Variants in MXRA5 observed in about 807,000 individuals in gnomAD.
MXRA5 encodes matrix remodeling associated 5, also known as matrix-remodeling-associated protein 5.
MXRA5 carries 41 observed loss-of-function variants against 112.5 expected under a neutral mutation model. That is an observed-to-expected ratio of 0.36 (90% CI 0.28 to 0.47). The LOEUF is 0.47. MXRA5 is among the 20% of genes least tolerant of loss of function. MXRA5 has a pLI of 0.99. For missense variants in MXRA5, 2,150 were observed against 2,251.0 expected (o/e 0.96, Z 0.91); for synonymous variants, 862 against 900.8 (o/e 0.96, Z 0.77).
In MXRA5 at chrX:3,322,956, G is replaced by A; in HGVS notation, c.2729C>T (p.Ala910Val). The A allele has an allele frequency of 8.3e-7, 1 of 1,211,379 alleles. No individual in the cohort carries two copies. The highest frequency in any genetic ancestry group is 1.1e-6 in the Non-Finnish European group (1 of 895,402). ...ATAAGGCTCAGATATAAGTGTAGGG[G>A]CTGCTGTCCCCTTCAGGTCTCCTTC... ...STEGDLKGTA[A>V]PTLISEPYEP... is the part of the protein sequence containing the mutation. The change falls in exon 5 of 7, where the codon GCC (alanine) becomes GTC (valine). Residue 910 changes from alanine to valine, a missense_variant. This residue lies in a region of MXRA5 where 1,485 missense variants were observed against 1,471.6 expected (regional missense o/e 1.01). Transcript: ENST00000217939.
Position 3,317,690 on chromosome X carries a change from G to C in MXRA5, c.5991C>G (p.Pro1997=). ...CGTGCAGGGTGATGCGGCCCTCCAC[G>C]GGGGACACAGTTTGCCACACCCTCC... ...PDRRVWQTVS[P]VEGRITLHEN... Residue 1997 remains proline (P), a synonymous_variant, in exon 6 of 7, where the codon CCC becomes CCG. Transcript: ENST00000217939. 2 of 1,201,777 alleles carry C rather than the reference G, an allele frequency of 1.7e-6. No homozygotes were observed. Among genetic ancestry groups the C allele is most frequent in the Non-Finnish European group, 1.1e-6 (1 of 889,261 alleles).
In MXRA5 at chrX:3,323,494, T is replaced by C; in HGVS notation, c.2191A>G (p.Ile731Val). The C allele has an allele frequency of 5.0e-6, 6 of 1,212,078 alleles. No individual in the cohort carries two copies. Among genetic ancestry groups the C allele is most frequent in the Non-Finnish European group, 5.6e-6 (5 of 895,613 alleles). Residue 731 changes from isoleucine to valine, a missense_variant, in exon 5 of 7, where the codon ATC becomes GTC. Around this residue, in one of 6 missense-constraint regions of MXRA5, gnomAD observed 1,485 missense variants for 1,471.6 expected, o/e 1.01. Transcript: ENST00000217939. ...TTCTTGGCTTTCTTGTCTCCATTGA[T>C]GGCATCATCCTTTGTTTTGAGGAAC... ...EVFLKTKDDA[I>V]NGDKKAKKGR... is the part of the protein sequence containing the mutation.
At chrX:3,314,492 A>G (rs774930002) in intron 6 of MXRA5, among the ~76,000 whole-genome samples, 2 of 112,249 alleles carry the variant, frequency 1.8e-5, no homozygotes, top group African/African-American at 6.5e-5. Flanking sequence ...ATAGACAGAT[A>G]GATACGGATG....
chrX:3,326,507 A>G (rs1921513977), intron 4 of MXRA5, among the ~76,000 whole-genome samples: 1 of 104,773 alleles, frequency 9.5e-6, no homozygotes, highest in African/African-American at 3.4e-5. Flanking sequence ...AACTATATCT[A>G]TATTTATAAC....
At position 3,330,133 on chromosome X, in the gene MXRA5, A is replaced by G. The variant is rs1921628782; in HGVS notation, c.594T>C (p.Leu198=). 4 of 1,209,585 alleles carry G rather than the reference A, an allele frequency of 3.3e-6. No individual in the cohort carries two copies. Among genetic ancestry groups the G allele is most frequent in the Non-Finnish European group, 4.5e-6 (4 of 894,373 alleles). ...LYLAENMVRT[L]PASMLRNMPL... ...GCATGTTCCGAAGCATGCTGGCAGGAAGAGTTCTAACCATGTTCTCTGCTA... is the reference window on the plus strand; with the variant it reads ...GCATGTTCCGAAGCATGCTGGCAGGGAGAGTTCTAACCATGTTCTCTGCTA... Residue 198 remains leucine, a synonymous_variant, in exon 4 of 7, where the codon CTT becomes CTC. Coordinates refer to ENST00000217939, the MANE Select transcript of MXRA5 (RefSeq NM_015419.4).
chrX:3,330,418 CA>C lies in MXRA5; in HGVS notation c.319-11del. 5.1e-6 allele frequency: 6 copies of C among 1,174,575 alleles called. No homozygotes were observed. In the African/African-American group the frequency reaches 7.2e-5, roughly 14 times the overall value. On this transcript the variant is annotated splice_polypyrimidine_tract_variant and intron_variant, in intron 3 of 6. Coordinates refer to ENST00000217939, the MANE Select transcript of MXRA5 (RefSeq NM_015419.4). ...AGCTGAACTTGAAAACCTGCAAGGA[CA>C]GGGGAAAACAAAACAAAACAAAAGG...
At chrX:3,328,541 C>T (rs1408158730) in intron 4 of MXRA5, among the ~76,000 whole-genome samples, 1 of 111,114 alleles carries the variant, frequency 9.0e-6, no homozygotes, top group South Asian at 3.8e-4. Flanking sequence ...AATGTTCTCA[C>T]TGCTTTGTAG....
At chrX:3,339,120 A>T (rs1477445794) in intron 2 of MXRA5, among the ~76,000 whole-genome samples, 3 of 111,215 alleles carry the variant, frequency 2.7e-5, no homozygotes, top group South Asian at 3.9e-4. Flanking sequence ...GGAACAAAGG[A>T]TAATACTGGT....
Position 3,322,931 on chromosome X carries a change from A to G in MXRA5, c.2754T>C (p.Tyr918=). Residue 918 remains tyrosine (Y), a synonymous_variant, in exon 5 of 7, where the codon TAT becomes TAC. Coordinates refer to ENST00000217939, the MANE Select transcript of MXRA5 (RefSeq NM_015419.4). ...ATGTGTGCAGAGTAGGAGATGGTTC[A>G]TAAGGCTCAGATATAAGTGTAGGGG... ...TAAPTLISEP[Y]EPSPTLHTLD... is the part of the protein sequence containing the mutation. 1 of 1,211,591 alleles carries G rather than the reference A, an allele frequency of 8.3e-7. No individual in the cohort carries two copies. Among genetic ancestry groups the G allele is most frequent in the Non-Finnish European group, 1.1e-6 (1 of 895,488 alleles).
Position 3,322,425 on chromosome X carries a change from C to A in MXRA5, c.3260G>T (p.Gly1087Val). ...PTHSRSSESE[G>V]QESKSITLPD... Reference sequence around the variant, plus strand: ...CAAAGTGATGGATTTGCTCTCTTGGCCCTCACTCTCAGAACTTCTGGAGTG... The same window carrying A: ...CAAAGTGATGGATTTGCTCTCTTGGACCTCACTCTCAGAACTTCTGGAGTG... The change falls in exon 5 of 7, where the codon GGC becomes GTC. Residue 1087 changes from glycine to valine, a missense_variant. Physicochemically the swap from Gly to Val is moderately radical, Grantham distance 109. Around this residue, in one of 6 missense-constraint regions of MXRA5, gnomAD observed 1,485 missense variants for 1,471.6 expected, o/e 1.01. Coordinates refer to ENST00000217939, the MANE Select transcript of MXRA5 (RefSeq NM_015419.4). The A allele has an allele frequency of 8.3e-7, 1 of 1,211,397 alleles. No homozygotes were observed. The highest frequency in any genetic ancestry group is 1.1e-6 in the Non-Finnish European group (1 of 895,335).
In MXRA5 at chrX:3,320,472, A is replaced by G; in HGVS notation, c.5213T>C (p.Leu1738Pro). The stretch of plus-strand genomic sequence containing the variant: ...GGTGACTCCCAACTGTGGAAAAGAA[A>G]GAGTCTTGTTGGTAAAGAAAGGGAG... ...GRLPFFTNKTLSFPQLGVTRR... is the reference protein window; with the variant it reads ...GRLPFFTNKTPSFPQLGVTRR... The change falls in exon 5 of 7, where the codon CTT becomes CCT. Residue 1738 changes from leucine (L) to proline (P), a missense_variant. Around this residue, in one of 6 missense-constraint regions of MXRA5, gnomAD observed 1,485 missense variants for 1,471.6 expected, o/e 1.01. Coordinates refer to ENST00000217939, the MANE Select transcript of MXRA5 (RefSeq NM_015419.4). 1 of 1,211,563 alleles carries G rather than the reference A, an allele frequency of 8.3e-7. No individual in the cohort carries two copies. Among genetic ancestry groups the G allele is most frequent in the Non-Finnish European group, 1.1e-6 (1 of 895,223 alleles).
chrX:3,312,731 TTTTTTTTA>T (rs969098941), intron 6 of MXRA5, among the ~76,000 whole-genome samples: 1 of 23,920 alleles, frequency 4.2e-5, no homozygotes, highest in African/African-American at 1.1e-4. Context: ...CTGGATGGAG[TTTTTTTTA>T]TTTTTTATTT....
intron 6 of MXRA5, 29 bp downstream of exon 6, chrX:3,317,074 T>C (rs1921155538): frequency 1.3e-5 from 15 of 1,112,119 alleles, no homozygotes; most frequent in Non-Finnish European, 1.8e-5. Flanking sequence ...AGCCCAGCGA[T>C]TTACAGGAAG....
chrX:3,310,748 A>G lies in MXRA5; in HGVS notation c.7455T>C (p.Val2485=). 2.5e-6 allele frequency: 3 copies of G among 1,203,708 alleles called. No individual in the cohort carries two copies. Among genetic ancestry groups the G allele is most frequent in the Non-Finnish European group, 3.4e-6 (3 of 891,931 alleles). ...RVLWAFPEGV[V]LPAPYYGNRI... ...GGTTTCCATAGTATGGAGCTGGCAGAACCACACCCTCGGGAAAAGCCCATA... is the reference window on the plus strand; with the variant it reads ...GGTTTCCATAGTATGGAGCTGGCAGGACCACACCCTCGGGAAAAGCCCATA... The change falls in exon 7 of 7, where the codon GTT becomes GTC. Residue 2485 remains valine, a synonymous_variant. Coordinates refer to ENST00000217939, the MANE Select transcript of MXRA5 (RefSeq NM_015419.4).
chrX:3,335,697 A>T (rs1921770139), intron 2 of MXRA5, among the ~76,000 whole-genome samples: 2 of 112,230 alleles, frequency 1.8e-5, no homozygotes, highest in Admixed American at 1.9e-4. Context: ...AAGCAAAGAG[A>T]GTCTAAATGT....
chrX:3,334,626 A>G (rs745486708), intron 2 of MXRA5, among the ~76,000 whole-genome samples: 26 of 112,195 alleles, frequency 2.3e-4, no homozygotes, highest in Non-Finnish European at 4.3e-4. Context: ...ATAATGAGCA[A>G]TATGTTATAT....
At position 3,321,367 on chromosome X, in the gene MXRA5, A is replaced by G; in HGVS notation, c.4318T>C (p.Ser1440Pro). 1 of 1,211,869 alleles carries G rather than the reference A, an allele frequency of 8.3e-7. No homozygotes were observed. Among genetic ancestry groups the G allele is most frequent in the Non-Finnish European group, 1.1e-6 (1 of 895,432 alleles). Residue 1440 changes from serine (S) to proline (P), a missense_variant, in exon 5 of 7, where the codon TCC becomes CCC. By Grantham distance (74) the Ser-to-Pro change is moderately conservative. Coordinates refer to ENST00000217939, the MANE Select transcript of MXRA5 (RefSeq NM_015419.4). ...TPFHQEEAGS[S>P]TTLSSIKVEV... ...ACTTTTATGCTTGAGAGAGTTGTGG[A>G]AGAACCAGCTTCTTCCTGGTGAAAT...
At chrX:3,315,114 G>A (rs1921060528) in intron 6 of MXRA5, among the ~76,000 whole-genome samples, 2 of 102,585 alleles carry the variant, frequency 1.9e-5, no homozygotes, top group African/African-American at 3.6e-5. Context: ...CTGGGGTGGG[G>A]TGTCCTGTGC....
rs751550127 is a variant in MXRA5, at chrX:3,323,261, T to G, written c.2424A>C (p.Thr808=). Residue 808 remains threonine, a synonymous_variant, in exon 5 of 7, where the codon ACA becomes ACC. Coordinates refer to ENST00000217939, the MANE Select transcript of MXRA5 (RefSeq NM_015419.4). Reference sequence around the variant, plus strand: ...CTTCTAGACTCAAGGATGGAGGACTTGTGGTTTTAATCAATGGGGGTACTT... The same window carrying G: ...CTTCTAGACTCAAGGATGGAGGACTGGTGGTTTTAATCAATGGGGGTACTT... ...GTEVPPLIKT[T]SPPSLSLEVT... 3 of 1,211,576 alleles carry G rather than the reference T, an allele frequency of 2.5e-6. No individual in the cohort carries two copies. In the East Asian group the frequency reaches 8.9e-5, roughly 36 times the overall value.
Sources: allele counts gnomAD v4.1 joint callset (sites outside exome capture counted in the v4.1 genomes callset), GRCh38; gene constraint gnomAD v4.1.1; regional missense constraint gnomAD v4.1.1; transcripts MANE v1.5; gene names NCBI Gene and HGNC (gene_info 2026-07-23, HGNC 2026-07-21).